Variants in CRISPLD2 observed in about 807,000 individuals in gnomAD.
CRISPLD2 encodes cysteine-rich secretory protein LCCL domain-containing 2.
Under a neutral mutation model 71.1 loss-of-function variants are expected in CRISPLD2, and 47 were observed. The ratio of observed to expected loss-of-function variants is 0.66; its 90% CI spans 0.52 to 0.84. CRISPLD2 has a LOEUF of 0.84. Ranked by LOEUF, CRISPLD2 falls within the 40% of genes least tolerant of loss-of-function variation. The pLI is 0.00. For missense variants in CRISPLD2, 830 were observed against 651.1 expected, an observed-to-expected ratio of 1.27 and a Z score of -2.99; for synonymous variants, 317 against 250.1, an observed-to-expected ratio of 1.27 and a Z score of -2.52.
chr16:84,871,634 C>T (rs578027409), intron 8 of CRISPLD2, among the ~76,000 whole-genome samples: 52 of 152,244 alleles, frequency 3.4e-4, no homozygotes, highest in African/African-American at 1.3e-3. Flanking sequence ...TCACTGTAAC[C>T]TCTGCCTCCA....
chr16:84,854,353 G>A (rs1041284683), intron 5 of CRISPLD2, among the ~76,000 whole-genome samples: 1 of 152,164 alleles, frequency 6.6e-6, no homozygotes, highest in African/African-American at 2.4e-5. Context: ...TTACACATTT[G>A]AGAAATGGCT....
rs1018809198 is a variant in CRISPLD2 at position 84,872,372 on chromosome 16, A to G, written c.915-70A>G. On this transcript the variant is annotated intron_variant, in intron 8 of 14. Coordinates refer to ENST00000262424, the MANE Select transcript of CRISPLD2 (RefSeq NM_031476.4). ...AGTAATAGAGCCATCGATGAAAAAA[A>G]TGATAAACTCATTGTGAGATGTAAT... 15 of 1,278,364 alleles carry G rather than the reference A, an allele frequency of 1.2e-5. No individual in the cohort carries two copies. The African/African-American group carries it at 1.8e-4, about 15-fold the overall frequency. 79.2% of individuals were successfully genotyped at this position (1,278,364 alleles called of 1,614,324 possible). A position where few individuals can be genotyped will look rare whatever the true frequency, so the allele number is the denominator to read the frequency against.
intron 12 of CRISPLD2, 58 bp from the exon 13 acceptor site, chr16:84,880,451 T>G: frequency 7.3e-7 from 1 of 1,365,510 alleles, no homozygotes; most frequent in South Asian, 1.3e-5. Flanking sequence ...GAGAGCCAGC[T>G]TAAGAAGTTT....
In CRISPLD2 at chr16:84,872,501, A is replaced by G. The variant is rs560611349; in HGVS notation, c.974A>G (p.Tyr325Cys). Reference sequence around the variant, plus strand: ...GCGAAGATCTTTGGAACTCTGTTCTATGAAAGCGTGAGTGTGGCCAGTCCT... The same window carrying G: ...GCGAAGATCTTTGGAACTCTGTTCTGTGAAAGCGTGAGTGTGGCCAGTCCT... ...HKAKIFGTLF[Y>C]ESSSSICRAA... Residue 325 changes from tyrosine to cysteine, a missense_variant, in exon 9 of 15, where the codon TAT becomes TGT. Coordinates refer to ENST00000262424, the MANE Select transcript of CRISPLD2 (RefSeq NM_031476.4). The G allele has an allele frequency of 1.9e-6, 3 of 1,613,604 alleles. No individual in the cohort carries two copies. The highest frequency in any genetic ancestry group is 1.3e-5 in the African/African-American group (1 of 75,012).
At chr16:84,834,193 C>T (rs1916558972) in intron 1 of CRISPLD2, among the ~76,000 whole-genome samples, 1 of 152,160 alleles carries the variant, frequency 6.6e-6, no homozygotes, top group Admixed American at 6.5e-5. Context: ...GAGAGGAGAT[C>T]ACGGAGGTCA....
At chr16:84,827,935 C>A (rs182577603) in intron 1 of CRISPLD2, among the ~76,000 whole-genome samples, 4 of 152,312 alleles carry the variant, frequency 2.6e-5, no homozygotes, top group African/African-American at 9.6e-5. Context: ...GTTCTGCCCC[C>A]CTCCTCTGTT....
At chr16:84,853,117 C>T (rs1917134468) in intron 5 of CRISPLD2, among the ~76,000 whole-genome samples, 1 of 152,180 alleles carries the variant, frequency 6.6e-6, no homozygotes. Context: ...AGCCAGCCTT[C>T]CACCAATGCC....
rs537979077 is a variant in CRISPLD2 at position 84,852,302 on chromosome 16, A to G, written c.608+1619A>G. 5.3e-5 allele frequency among the ~76,000 whole-genome samples: 8 copies of G among 152,140 alleles called. No individual in the cohort carries two copies. In the South Asian group the frequency reaches 1.7e-3, roughly 32 times the overall value. On this transcript the variant is annotated intron_variant, in intron 5 of 14. Coordinates refer to ENST00000262424, the MANE Select transcript of CRISPLD2 (RefSeq NM_031476.4). Reference sequence around the variant, plus strand: ...ACGGCAATAGCCCTCTACCCGTGTAACTACCATCCAGATGGAGATGGACAG... The same window carrying G: ...ACGGCAATAGCCCTCTACCCGTGTAGCTACCATCCAGATGGAGATGGACAG...
Position 84,902,928 on chromosome 16 carries a change from A to G in CRISPLD2, c.1440-3660A>G, listed in dbSNP as rs117454949. Among the ~76,000 whole-genome samples the G allele has an allele frequency of 6.7e-3, 1,013 of 151,686 alleles. 8 individuals are homozygous for G. Among genetic ancestry groups the G allele is most frequent in the Middle Eastern group, 0.014 (4 of 294 alleles). On this transcript the variant is annotated intron_variant, in intron 14 of 14. Coordinates refer to ENST00000262424, the MANE Select transcript of CRISPLD2 (RefSeq NM_031476.4). ...GCTGGGATTACTGGTGCCTGCCACCACAGCCAGCTAATTTTTGTATTTTTA... is the reference window on the plus strand; with the variant it reads ...GCTGGGATTACTGGTGCCTGCCACCGCAGCCAGCTAATTTTTGTATTTTTA...
At chr16:84,845,929 G>A in intron 3 of CRISPLD2, 25 bp downstream of exon 3, 1 of 1,483,222 alleles carries the variant, frequency 6.7e-7, no homozygotes, top group Non-Finnish European at 9.4e-7. Context: ...TTCCTCTCCG[G>A]CTGCCGCAGG....
At chr16:84,887,658 C>G (rs765585541) in intron 13 of CRISPLD2, among the ~76,000 whole-genome samples, 12 of 152,182 alleles carry the variant, frequency 7.9e-5, no homozygotes, top group Non-Finnish European at 1.6e-4. Context: ...GTGTGGATCA[C>G]CTGAGGTCAG....
At chr16:84,883,336 T>A (rs546954948) in intron 13 of CRISPLD2, among the ~76,000 whole-genome samples, 2 of 152,344 alleles carry the variant, frequency 1.3e-5, no homozygotes, top group Non-Finnish European at 2.9e-5. Context: ...GGCTCCCGCC[T>A]GTTCACCAGG....
At chr16:84,875,569 T>C (rs956139224) in intron 11 of CRISPLD2, among the ~76,000 whole-genome samples, 2 of 151,182 alleles carry the variant, frequency 1.3e-5, no homozygotes, top group Non-Finnish European at 2.9e-5. Flanking sequence ...TATTTTGTTA[T>C]TTTTTGAGAT....
chr16:84,853,680 C>T (rs1284219721), intron 5 of CRISPLD2, among the ~76,000 whole-genome samples: 5 of 152,220 alleles, frequency 3.3e-5, no homozygotes, highest in Admixed American at 3.3e-4. Flanking sequence ...TCCCCATCTT[C>T]CCTGGAAAGC....
Position 84,877,437 on chromosome 16 carries a change from G to C in CRISPLD2, c.1157-1G>C, listed in dbSNP as rs1290155798. On this transcript the variant is annotated splice_acceptor_variant, in intron 11 of 14. Coordinates refer to ENST00000262424, the MANE Select transcript of CRISPLD2 (RefSeq NM_031476.4). LOFTEE classifies it high-confidence loss of function. ...CCTTTCCCCCTTGCTCCTGTTCACA[G>C]TGCAGGATTTGGACTGCTACACGAC... 1 of 1,613,772 alleles carries C rather than the reference G, an allele frequency of 6.2e-7. No individual in the cohort carries two copies. Among genetic ancestry groups the C allele is most frequent in the South Asian group, 1.1e-5 (1 of 91,080 alleles).
chr16:84,837,578 G>T (rs926106190), intron 1 of CRISPLD2, among the ~76,000 whole-genome samples: 1 of 151,554 alleles, frequency 6.6e-6, no homozygotes, highest in African/African-American at 2.4e-5. Context: ...CACCACGCCC[G>T]GGTAATTTTT....
chr16:84,888,647 T>G (rs559009386), intron 13 of CRISPLD2, among the ~76,000 whole-genome samples: 1 of 152,364 alleles, frequency 6.6e-6, no homozygotes, highest in East Asian at 1.9e-4. Context: ...ACTCACTGTA[T>G]TCCAGCCACC....
Position 84,889,234 on chromosome 16 carries a change from C to G in CRISPLD2, c.1310C>G (p.Ser437Ter). The G allele has an allele frequency of 6.2e-7, 1 of 1,614,118 alleles. No homozygotes were observed. Among genetic ancestry groups the G allele is most frequent in the Non-Finnish European group, 8.5e-7 (1 of 1,179,988 alleles). Residue 437 changes from serine to a stop codon, truncating the protein, a stop_gained, in exon 14 of 15, where the codon TCA becomes TGA. Transcript: ENST00000262424. LOFTEE classifies it high-confidence loss of function. ...CAGCCCTTCCTGTGCTTCCAGACCT[C>G]AAGCATCTGCAAGACAGCCGTGCAC... ...VFGTNIYADT[S>*]SICKTAVHAG...
At chr16:84,873,860 A>G in intron 10 of CRISPLD2, 60 bp from the exon 11 acceptor site, 1 of 1,470,760 alleles carries the variant, frequency 6.8e-7, no homozygotes, top group Non-Finnish European at 9.3e-7. Context: ...GTTCACTTTT[A>G]GAAGCAATTC....
Sources: allele counts gnomAD v4.1 joint callset (sites outside exome capture counted in the v4.1 genomes callset), GRCh38; gene constraint gnomAD v4.1.1; transcripts MANE v1.5; gene names NCBI Gene and HGNC (gene_info 2026-07-23, HGNC 2026-07-21).